Variants in PRKCE observed in about 807,000 individuals in gnomAD.
PRKCE encodes protein kinase C epsilon type.
A neutral mutation model predicts 85.4 loss-of-function variants in PRKCE; 16 were observed. That is an observed-to-expected ratio of 0.19 (90% CI 0.13 to 0.28). PRKCE has a LOEUF of 0.28. Ranked by LOEUF, PRKCE falls within the 10% of genes least tolerant of loss-of-function variation. The pLI is 1.00. For synonymous variants in PRKCE, 388 were observed against 371.5 expected, an observed-to-expected ratio of 1.04 and a Z score of -0.51; for missense variants, 573 against 975.2, an observed-to-expected ratio of 0.59 and a Z score of 5.49.
Position 45,786,369 on chromosome 2 carries a change from G to A in PRKCE, c.349-56631G>A, listed in dbSNP as rs1474552847. Among the ~76,000 whole-genome samples the A allele has an allele frequency of 2.0e-5, 3 of 152,140 alleles. No homozygotes were observed. The highest frequency in any genetic ancestry group is 6.6e-5 in the Admixed American group (1 of 15,264). On this transcript the variant is annotated intron_variant, in intron 1 of 14. Coordinates refer to ENST00000306156, the MANE Select transcript of PRKCE (RefSeq NM_005400.3). This position sits in a 1 kb window ranked among gnomAD's most constrained non-coding sequence, Gnocchi z 5.3. Reference sequence around the variant, plus strand: ...CAGTTGCTGTTTAACCGCCTCATCCGTGGGGTTCCAAGAAAACTGTGACAT... The same window carrying A: ...CAGTTGCTGTTTAACCGCCTCATCCATGGGGTTCCAAGAAAACTGTGACAT...
At chr2:45,682,188 A>T (rs1676957020) in intron 1 of PRKCE, among the ~76,000 whole-genome samples, 1 of 152,246 alleles carries the variant, frequency 6.6e-6, no homozygotes, top group South Asian at 2.1e-4. Context: ...GAATTTGATA[A>T]GTTTGAACTT....
At chr2:46,126,437 A>T (rs1388795717) in intron 11 of PRKCE, among the ~76,000 whole-genome samples, 1 of 152,078 alleles carries the variant, frequency 6.6e-6, no homozygotes, top group Non-Finnish European at 1.5e-5. Flanking sequence ...CTGAACCCCC[A>T]CATGGACTCC....
chr2:45,983,853 C>T (rs373111035), intron 5 of PRKCE, among the ~76,000 whole-genome samples: 1 of 152,032 alleles, frequency 6.6e-6, no homozygotes, highest in Non-Finnish European at 1.5e-5. Context: ...CGCTGCTGCA[C>T]AGAATCCCGT....
intron 2 of PRKCE, among the ~76,000 whole-genome samples, chr2:45,889,119 T>A (rs1234625212): frequency 1.3e-5 from 2 of 152,232 alleles, no homozygotes; most frequent in Admixed American, 1.3e-4. Flanking sequence ...GAGAAGGAAC[T>A]GCATTTAGCT....
intron 1 of PRKCE, among the ~76,000 whole-genome samples, chr2:45,793,046 G>A (rs1457798568): frequency 3.3e-5 from 5 of 152,184 alleles, no homozygotes; most frequent in Admixed American, 6.5e-5. Flanking sequence ...TGATCTGCCC[G>A]CCTTGGCCTC....
chr2:45,696,167 G>T (rs1423852382), intron 1 of PRKCE, among the ~76,000 whole-genome samples: 1 of 144,306 alleles, frequency 6.9e-6, no homozygotes. Context: ...TGTTGCACAG[G>T]CTGGTCTTGA....
intron 4 of PRKCE, 101 bp from the exon 5 acceptor site, chr2:45,980,195 G>T (rs1415920964): frequency 2.8e-6 from 3 of 1,083,436 alleles, no homozygotes; most frequent in Non-Finnish European, 4.1e-6. Flanking sequence ...GGCAGAAGGG[G>T]CCTGGCTCCC....
chr2:45,775,429 G>C (rs1685674420), intron 1 of PRKCE, among the ~76,000 whole-genome samples: 3 of 152,178 alleles, frequency 2.0e-5, no homozygotes, highest in Admixed American at 2.0e-4. Context: ...ACCAGCAAGA[G>C]CTTATTCATA....
chr2:46,031,932 CT>C (rs1304095527), intron 10 of PRKCE, among the ~76,000 whole-genome samples: 2 of 152,180 alleles, frequency 1.3e-5, no homozygotes, highest in African/African-American at 4.8e-5. Context: ...ACAAACTCAT[CT>C]CACAGCCTCT....
chr2:45,701,538 C>A (rs1000620902), intron 1 of PRKCE: 2 of 152,162 alleles, frequency 1.3e-5, no homozygotes, highest in African/African-American at 4.8e-5. Flanking sequence ...AATGATAGAT[C>A]TCCAGATTCT....
chr2:45,807,814 A>G (rs1002064992), intron 1 of PRKCE, among the ~76,000 whole-genome samples: 3 of 152,052 alleles, frequency 2.0e-5, no homozygotes, highest in African/African-American at 7.2e-5. Flanking sequence ...CAAGCCCTCC[A>G]GGTGATCCTG....
intron 11 of PRKCE, among the ~76,000 whole-genome samples, chr2:46,116,564 G>A (rs534658775): frequency 6.6e-6 from 1 of 152,278 alleles, no homozygotes; most frequent in Middle Eastern, 3.4e-3. Flanking sequence ...CACCTCTACT[G>A]TCCGCCCTTA....
chr2:45,799,718 C>A (rs1687709599), intron 1 of PRKCE, among the ~76,000 whole-genome samples: 1 of 152,232 alleles, frequency 6.6e-6, no homozygotes, highest in African/African-American at 2.4e-5. Flanking sequence ...TCAGGGCAGG[C>A]TCCTGTTGTC....
intron 10 of PRKCE, among the ~76,000 whole-genome samples, chr2:46,083,339 A>G (rs1233461039): frequency 6.6e-6 from 1 of 152,156 alleles, no homozygotes; most frequent in Non-Finnish European, 1.5e-5. Context: ...GATAAAACCG[A>G]TATGGGAAGG....
At chr2:46,058,240 C>G (rs982304395) in intron 10 of PRKCE, among the ~76,000 whole-genome samples, 7 of 152,212 alleles carry the variant, frequency 4.6e-5, no homozygotes, top group African/African-American at 1.7e-4. Flanking sequence ...AGGCTTCCCT[C>G]TTGGCAGGAC....
At chr2:45,968,999 T>C (rs2711301) in intron 2 of PRKCE, among the ~76,000 whole-genome samples, 122,261 of 148,662 alleles carry the variant, frequency 0.82, 50,927 homozygotes, top group East Asian at 0.97. Flanking sequence ...GCTCCTCTTG[T>C]CACCTGCCTA....
At chr2:45,906,708 G>A (rs951204897) in intron 2 of PRKCE, among the ~76,000 whole-genome samples, 2 of 152,200 alleles carry the variant, frequency 1.3e-5, no homozygotes, top group African/African-American at 2.4e-5. Context: ...GAGGCAGCAG[G>A]AACCAAGGTC....
At chr2:46,038,795 T>A (rs1025120225) in intron 10 of PRKCE, among the ~76,000 whole-genome samples, 3 of 152,096 alleles carry the variant, frequency 2.0e-5, no homozygotes, top group African/African-American at 7.2e-5. Flanking sequence ...AACGGAGCTC[T>A]TCTACCAACT....
chr2:45,734,613 C>T (rs893944523), intron 1 of PRKCE, among the ~76,000 whole-genome samples: 7 of 152,316 alleles, frequency 4.6e-5, no homozygotes, highest in African/African-American at 1.7e-4. Context: ...GTGTTCTCCG[C>T]CTTCCTGGAG....
Sources: gnomAD v4.1 joint callset for allele counts (sites outside exome capture counted in the v4.1 genomes callset) on GRCh38, gnomAD v4.1.1 for gene constraint, Gnocchi (gnomAD v3.1) non-coding constraint, MANE v1.5 for transcripts, NCBI Gene and HGNC (gene_info 2026-07-23, HGNC 2026-07-21) for gene names.